The following DOCK4 variants were observed in gnomAD, a reference collection of about 807,000 sequenced individuals.
The protein encoded by DOCK4 is dedicator of cytokinesis protein 4.
A neutral mutation model predicts 268.1 loss-of-function variants in DOCK4; 97 were observed. That is an observed-to-expected ratio of 0.36 (90% CI 0.31 to 0.43). DOCK4 has a LOEUF of 0.43. Ranked by LOEUF, DOCK4 falls within the 20% of genes least tolerant of loss-of-function variation. The pLI, the probability that DOCK4 is intolerant of heterozygous loss-of-function variation, is 1.00. For missense variants in DOCK4, 2,145 were observed against 2,455.7 expected, an observed-to-expected ratio of 0.87 and a Z score of 2.67; for synonymous variants, 954 against 887.2, an observed-to-expected ratio of 1.08 and a Z score of -1.34.
chr7:111,883,499 C>T (rs1807589960), intron 16 of DOCK4, among the ~76,000 whole-genome samples: 1 of 152,110 alleles, frequency 6.6e-6, no homozygotes, highest in South Asian at 2.1e-4. Context: ...GAAATTCTGC[C>T]CCTGTAAACA....
chr7:111,923,050 C>A (rs977901579), intron 12 of DOCK4, among the ~76,000 whole-genome samples: 2 of 151,878 alleles, frequency 1.3e-5, no homozygotes, highest in Non-Finnish European at 2.9e-5. Context: ...AGCTGGGTGT[C>A]AAAAATATTT....
chr7:111,935,701 G>GC, intron 11 of DOCK4, 73 bp from the exon 12 acceptor site: 1 of 1,326,692 alleles, frequency 7.5e-7, no homozygotes, highest in South Asian at 1.2e-5. Context: ...TAGTACATCT[G>GC]CCCTTTTCGT....
intron 8 of DOCK4, among the ~76,000 whole-genome samples, chr7:111,956,654 A>G (rs1295162635): frequency 6.6e-6 from 1 of 152,212 alleles, no homozygotes; most frequent in Non-Finnish European, 1.5e-5. Context: ...AGATGAATAC[A>G]TAATTGACTA....
intron 1 of DOCK4, among the ~76,000 whole-genome samples, chr7:112,007,484 C>G (rs949645042): frequency 6.6e-6 from 1 of 152,164 alleles, no homozygotes; most frequent in African/African-American, 2.4e-5. Flanking sequence ...GGCTATAGTT[C>G]AAGGAATGAC....
At chr7:112,202,904 G>A (rs1821070030) in intron 1 of DOCK4, among the ~76,000 whole-genome samples, 1 of 152,158 alleles carries the variant, frequency 6.6e-6, no homozygotes, top group South Asian at 2.1e-4. Context: ...TTGAGAAAGA[G>A]AGGAACCAGC....
At chr7:111,887,293 G>A (rs1453046736) in intron 16 of DOCK4, among the ~76,000 whole-genome samples, 1 of 152,166 alleles carries the variant, frequency 6.6e-6, no homozygotes, top group Non-Finnish European at 1.5e-5. Flanking sequence ...AACTGAAGAT[G>A]TTCAGTAGGC....
chr7:111,767,149 C>T, intron 37 of DOCK4, 31 bp from the exon 38 acceptor site: 1 of 1,582,982 alleles, frequency 6.3e-7, no homozygotes, highest in Non-Finnish European at 8.7e-7. Flanking sequence ...TCAATGGAAC[C>T]ATCTGACAAT....
intron 38 of DOCK4, among the ~76,000 whole-genome samples, 186 bp from the exon 39 acceptor site, chr7:111,765,408 G>A (rs1384747687): frequency 2.6e-5 from 4 of 152,170 alleles, no homozygotes; most frequent in African/African-American, 9.7e-5. Context: ...TAAATGTCCA[G>A]AGACTATTTC....
chr7:111,769,639 C>G lies in DOCK4; in HGVS notation c.3718G>C (p.Glu1240Gln). 1 of 1,613,774 alleles carries G rather than the reference C, an allele frequency of 6.2e-7. No individual in the cohort carries two copies. Among genetic ancestry groups the G allele is most frequent in the Non-Finnish European group, 8.5e-7 (1 of 1,179,816 alleles). The change falls in exon 37 of 53, where the codon GAA becomes CAA. Residue 1240 changes from glutamate (E) to glutamine (Q), a missense_variant. Glu to Gln is a conservative substitution (Grantham distance 29). Around this residue, in one of 2 missense-constraint regions of DOCK4, gnomAD observed 1,598 missense variants for 1,986.7 expected, o/e 0.80. Transcript: ENST00000428084. The stretch of plus-strand genomic sequence containing the variant: ...TCCCTGAGGGGCCGATCAGACCATT[C>G]CAGTAGCTCGTCATATAAGAGGAGG... ...YTLLLYDELLEWSDRPLREFL... is the reference protein window; with the variant it reads ...YTLLLYDELLQWSDRPLREFL...
intron 1 of DOCK4, among the ~76,000 whole-genome samples, chr7:112,085,761 C>T (rs569312983): frequency 1.3e-5 from 2 of 152,194 alleles, no homozygotes; most frequent in African/African-American, 4.8e-5. Context: ...CAAATGGGAT[C>T]GGGCTGACAG....
intron 25 of DOCK4, among the ~76,000 whole-genome samples, chr7:111,841,955 A>C (rs1244414237): frequency 6.6e-6 from 1 of 152,234 alleles, no homozygotes; most frequent in Non-Finnish European, 1.5e-5. Flanking sequence ...GATCTCAGGC[A>C]ATCTTTAACT....
intron 30 of DOCK4, among the ~76,000 whole-genome samples, chr7:111,801,924 ACCT>A (rs1800327180): frequency 6.7e-6 from 1 of 149,522 alleles, no homozygotes; most frequent in African/African-American, 2.5e-5. Context: ...GATAGTCTTA[ACCT>A]CCTGACCTCA....
intron 13 of DOCK4, among the ~76,000 whole-genome samples, chr7:111,903,788 C>A (rs1331416832): frequency 6.6e-6 from 1 of 152,092 alleles, no homozygotes; most frequent in Non-Finnish European, 1.5e-5. Flanking sequence ...AAAAAAACAA[C>A]ACTCAAATCA....
In DOCK4 at chr7:111,728,523, C is replaced by G. The variant is rs1794823580; in HGVS notation, c.5679G>C (p.Val1893=). 3.1e-6 allele frequency: 5 copies of G among 1,613,348 alleles called. No homozygotes were observed. The highest frequency in any genetic ancestry group is 4.2e-6 in the Non-Finnish European group (5 of 1,179,852). The change falls in exon 53 of 53, where the codon GTG becomes GTC. Residue 1893 remains valine (V), a synonymous_variant. Transcript: ENST00000428084. ...CTGGCTCCTCCCCGCCGTAGCTCGG[C>G]ACGGGCACCGGCACTGGCACCGGCA... The part of the protein sequence containing the change: ...APLPVPVPVP[V]PSYGGEEPVR...
intron 1 of DOCK4, among the ~76,000 whole-genome samples, chr7:112,039,340 T>C (rs1334987620): frequency 2.0e-4 from 27 of 137,932 alleles, no homozygotes; most frequent in Admixed American, 1.9e-3. Context: ...CTGTGATATG[T>C]AGAAAACTGA....
intron 17 of DOCK4, 61 bp from the exon 18 acceptor site, chr7:111,872,625 C>T (rs925673531): frequency 2.7e-5 from 37 of 1,379,452 alleles, no homozygotes; most frequent in African/African-American, 2.1e-4. Flanking sequence ...CACATGAAAG[C>T]GTTCTGCTAG....
intron 1 of DOCK4, among the ~76,000 whole-genome samples, chr7:112,082,266 C>T (rs1048301040): frequency 6.6e-6 from 1 of 152,074 alleles, no homozygotes; most frequent in Non-Finnish European, 1.5e-5. Context: ...ACACAGTTAA[C>T]CCTGAGAGTC....
chr7:112,065,384 G>A lies in DOCK4; in HGVS notation c.38-61253C>T, dbSNP rs997321131. Among the ~76,000 whole-genome samples, 5 of 151,840 alleles carry A rather than the reference G, an allele frequency of 3.3e-5. No individual in the cohort carries two copies. The South Asian group carries it at 6.3e-4, about 19-fold the overall frequency. On this transcript the variant is annotated intron_variant, in intron 1 of 52. Coordinates refer to ENST00000428084, the MANE Select transcript of DOCK4 (RefSeq NM_001363540.2). ...CTCTGGGAAGCTCTCCCTGACCACCGTAGCGAAAGTTATTCTCCCTCAGTG... is the reference window on the plus strand; with the variant it reads ...CTCTGGGAAGCTCTCCCTGACCACCATAGCGAAAGTTATTCTCCCTCAGTG...
intron 32 of DOCK4, among the ~76,000 whole-genome samples, chr7:111,786,841 G>A (rs917354345): frequency 4.6e-5 from 7 of 152,028 alleles, no homozygotes; most frequent in African/African-American, 1.5e-4. Flanking sequence ...TAATATTTAC[G>A]CCTTCTTTCT....
Sources: gnomAD v4.1 joint callset for allele counts (sites outside exome capture counted in the v4.1 genomes callset) on GRCh38, gnomAD v4.1.1 for gene constraint, gnomAD v4.1.1 regional missense constraint, MANE v1.5 for transcripts, NCBI Gene and HGNC (gene_info 2026-07-23, HGNC 2026-07-21) for gene names.